Variants in OTUD7A observed in about 807,000 individuals in gnomAD.
OTUD7A encodes OTU domain-containing protein 7A.
A neutral mutation model predicts 65.7 loss-of-function variants in OTUD7A; 12 were observed. The ratio of observed to expected loss-of-function variants is 0.18; its 90% CI spans 0.12 to 0.30. The LOEUF (loss-of-function observed/expected upper bound fraction) is 0.30, where lower values mean the gene tolerates loss of function less well. Ranked by LOEUF, OTUD7A falls within the 10% of genes least tolerant of loss-of-function variation. The pLI is 1.00. For synonymous variants in OTUD7A, 641 were observed against 586.3 expected (o/e 1.09, Z -1.35); for missense variants, 1,148 against 1,304.8 (o/e 0.88, Z 1.85).
intron 3 of OTUD7A, among the ~76,000 whole-genome samples, chr15:31,604,622 T>C (rs1017636146): frequency 2.0e-5 from 3 of 152,140 alleles, no homozygotes; most frequent in African/African-American, 4.8e-5. Context: ...AAGAAAACTA[T>C]ATTCAGCTGC....
At chr15:31,615,777 G>A (rs1890567285) in intron 3 of OTUD7A, among the ~76,000 whole-genome samples, 1 of 152,222 alleles carries the variant, frequency 6.6e-6, no homozygotes. Flanking sequence ...GGAATTGTAG[G>A]GGACTGGCTG....
At chr15:31,533,987 T>C (rs1406990323) in intron 5 of OTUD7A, among the ~76,000 whole-genome samples, 2 of 152,188 alleles carry the variant, frequency 1.3e-5, no homozygotes, top group East Asian at 3.9e-4. Context: ...ATAAAGTATG[T>C]GTATATAATG....
chr15:31,653,833 A>G (rs138116675), intron 3 of OTUD7A, among the ~76,000 whole-genome samples: 3,318 of 152,160 alleles, frequency 0.022, 146 homozygotes, highest in African/African-American at 0.075. Context: ...AGACATTAAT[A>G]CTGATGTTAG....
intron 3 of OTUD7A, among the ~76,000 whole-genome samples, chr15:31,583,909 T>C (rs934836756): frequency 6.6e-6 from 1 of 152,040 alleles, no homozygotes; most frequent in Non-Finnish European, 1.5e-5. Context: ...CCTTCCTACT[T>C]GGAATACCTA....
chr15:31,822,159 C>T (rs181357872), intron 1 of OTUD7A, among the ~76,000 whole-genome samples: 5 of 152,298 alleles, frequency 3.3e-5, no homozygotes, highest in East Asian at 3.9e-4. Context: ...CTTTTGGTAT[C>T]GTACAGTGGT....
At chr15:31,542,501 G>C (rs1201815728) in intron 5 of OTUD7A, among the ~76,000 whole-genome samples, 1 of 151,992 alleles carries the variant, frequency 6.6e-6, no homozygotes, top group Non-Finnish European at 1.5e-5. Flanking sequence ...AGATGCAAGA[G>C]AGTTTATGAG....
intron 3 of OTUD7A, among the ~76,000 whole-genome samples, chr15:31,619,136 C>G (rs939346714): frequency 6.6e-6 from 1 of 152,266 alleles, no homozygotes; most frequent in South Asian, 2.1e-4. Flanking sequence ...TGATCTATAT[C>G]TCTGTTTTGG....
intron 3 of OTUD7A, among the ~76,000 whole-genome samples, chr15:31,614,006 TG>T (rs1890509208): frequency 1.3e-5 from 2 of 152,150 alleles, no homozygotes; most frequent in Non-Finnish European, 2.9e-5. Context: ...CGCAGCAACC[TG>T]GATAAGATTG....
At chr15:31,720,401 ATT>A (rs781404973) in intron 1 of OTUD7A, among the ~76,000 whole-genome samples, 23 of 132,932 alleles carry the variant, frequency 1.7e-4, no homozygotes, top group African/African-American at 5.6e-4. Context: ...CAGTAACTTC[ATT>A]TTTTTTTTTT....
chr15:31,749,082 G>A (rs936191907), intron 1 of OTUD7A, among the ~76,000 whole-genome samples: 1 of 143,412 alleles, frequency 7.0e-6, no homozygotes. Flanking sequence ...GGTGGGAATT[G>A]AACAATGAGA....
intron 3 of OTUD7A, among the ~76,000 whole-genome samples, chr15:31,594,093 T>C (rs977982016): frequency 6.6e-6 from 1 of 152,154 alleles, no homozygotes; most frequent in Non-Finnish European, 1.5e-5. Flanking sequence ...AAATACTGAT[T>C]TTCATAAAAA....
Position 31,797,441 on chromosome 15 carries a change from C to T in OTUD7A, c.-100+73066G>A, listed in dbSNP as rs141912117. ...ACGACGAGTACCTATTCCATTAATA[C>T]CGAGTCTAAGCACAGCTGCTCTGTT... On this transcript the variant is annotated intron_variant, in intron 1 of 12. Transcript: ENST00000307050. Among the ~76,000 whole-genome samples, 54 of 152,324 alleles carry T rather than the reference C, an allele frequency of 3.5e-4. 1 individual carries two copies. In the East Asian group the frequency reaches 8.3e-3, roughly 23 times the overall value.
At chr15:31,689,129 AGTT>A (rs1892907232) in intron 1 of OTUD7A, among the ~76,000 whole-genome samples, 1 of 145,174 alleles carries the variant, frequency 6.9e-6, no homozygotes, top group South Asian at 2.3e-4. Flanking sequence ...CAATCACTAC[AGTT>A]GTTTTTTTTT....
chr15:31,697,962 T>C (rs991342248), intron 1 of OTUD7A, among the ~76,000 whole-genome samples: 10 of 152,188 alleles, frequency 6.6e-5, no homozygotes, highest in African/African-American at 2.4e-4. Flanking sequence ...CATTCCCTGA[T>C]AATCGAGCCC....
chr15:31,867,926 G>T (rs1276560085), intron 1 of OTUD7A, among the ~76,000 whole-genome samples: 1 of 149,990 alleles, frequency 6.7e-6, no homozygotes, highest in Non-Finnish European at 1.5e-5. Context: ...CGGGGGGCGG[G>T]GGCGGAGCAC....
intron 1 of OTUD7A, among the ~76,000 whole-genome samples, chr15:31,850,909 T>G (rs1897408979): frequency 6.6e-6 from 1 of 152,098 alleles, no homozygotes; most frequent in Non-Finnish European, 1.5e-5. Context: ...AAAGCAGCAG[T>G]AATTCCCCAA....
chr15:31,682,433 C>T (rs1444619106), intron 1 of OTUD7A, among the ~76,000 whole-genome samples: 1 of 151,908 alleles, frequency 6.6e-6, no homozygotes. Flanking sequence ...GCCAAAACAA[C>T]GTTGAAAAAG....
intron 1 of OTUD7A, among the ~76,000 whole-genome samples, chr15:31,658,050 C>G (rs780031083): frequency 6.6e-6 from 1 of 152,096 alleles, no homozygotes; most frequent in Non-Finnish European, 1.5e-5. Flanking sequence ...GGGGACAGAG[C>G]GTTGGCCCTG....
intron 1 of OTUD7A, among the ~76,000 whole-genome samples, chr15:31,730,458 G>A (rs1181488484): frequency 6.6e-6 from 1 of 152,126 alleles, no homozygotes; most frequent in Admixed American, 6.5e-5. Context: ...ATCCATCCCT[G>A]TCAAAGGCAT....
Sources: gnomAD v4.1 joint callset for allele counts (sites outside exome capture counted in the v4.1 genomes callset) on GRCh38, gnomAD v4.1.1 for gene constraint, MANE v1.5 for transcripts, NCBI Gene and HGNC (gene_info 2026-07-23, HGNC 2026-07-21) for gene names.